The following CTNNA3 variants were observed in gnomAD, a reference collection of about 807,000 sequenced individuals.
The protein encoded by CTNNA3 is catenin alpha-3.
CTNNA3 carries 76 observed loss-of-function variants against 95.7 expected under a neutral mutation model. The observed-to-expected ratio is 0.79, with a 90% confidence interval of 0.66 to 0.96. The LOEUF is 0.96. CTNNA3 is among the 40% of genes least tolerant of loss of function. The probability of loss-of-function intolerance (pLI) is 0.00; values close to 1 mark genes in which losing one functional copy is unlikely to be tolerated. For missense variants in CTNNA3, 1,191 were observed against 1,089.8 expected (o/e 1.09, Z -1.31); for synonymous variants, 431 against 374.4 (o/e 1.15, Z -1.74).
rs973639989 is a variant in CTNNA3 at position 66,089,406 on chromosome 10, C to T, written c.1977+13751G>A. Among the ~76,000 whole-genome samples, 4 of 151,262 alleles carry T rather than the reference C, an allele frequency of 2.6e-5. No individual in the cohort carries two copies. In the East Asian group the frequency reaches 5.8e-4, roughly 22 times the overall value. On this transcript the variant is annotated intron_variant, in intron 14 of 17. Coordinates refer to ENST00000433211, the MANE Select transcript of CTNNA3 (RefSeq NM_013266.4). ...TCCTTCCTTCTTTCCTTCCTTACTC[C>T]CTTCCTTCCTTCCTTTCTTCCTTCC...
chr10:67,035,583 C>T (rs893051541), intron 7 of CTNNA3, among the ~76,000 whole-genome samples: 1 of 151,898 alleles, frequency 6.6e-6, no homozygotes. Context: ...ATTCCAAAAA[C>T]CCTATCAGAA....
At chr10:67,653,326 C>T (rs1298457930) in intron 1 of CTNNA3, among the ~76,000 whole-genome samples, 1 of 152,178 alleles carries the variant, frequency 6.6e-6, no homozygotes, top group African/African-American at 2.4e-5. Flanking sequence ...CACCAGACCC[C>T]ACCTCCAACA....
intron 7 of CTNNA3, among the ~76,000 whole-genome samples, chr10:66,786,828 C>G (rs1840765687): frequency 6.6e-6 from 1 of 151,978 alleles, no homozygotes; most frequent in Admixed American, 6.6e-5. Context: ...ATTGACCATT[C>G]TTAGAGGGCA....
intron 7 of CTNNA3, among the ~76,000 whole-genome samples, chr10:66,917,888 CA>C (rs1846578551): frequency 6.6e-6 from 1 of 152,118 alleles, no homozygotes; most frequent in African/African-American, 2.4e-5. Context: ...GTCATAGATG[CA>C]AAGTAAAACA....
chr10:66,892,941 C>T (rs1845329695), intron 7 of CTNNA3, among the ~76,000 whole-genome samples: 1 of 152,084 alleles, frequency 6.6e-6, no homozygotes, highest in Non-Finnish European at 1.5e-5. Context: ...AAACTAGTCA[C>T]AGTGTGAATG....
intron 15 of CTNNA3, among the ~76,000 whole-genome samples, chr10:65,994,242 A>G (rs79216600): frequency 0.11 from 16,382 of 152,136 alleles, 1,112 homozygotes; most frequent in East Asian, 0.2. Flanking sequence ...TAAGTTTTAT[A>G]CTTTCCTGTG....
intron 11 of CTNNA3, among the ~76,000 whole-genome samples, chr10:66,467,632 T>C (rs1224630828): frequency 6.6e-6 from 1 of 152,010 alleles, no homozygotes; most frequent in Non-Finnish European, 1.5e-5. Context: ...CTGAAAACTT[T>C]TGTTGTGTAT....
chr10:66,541,624 A>C (rs150890809), intron 10 of CTNNA3, among the ~76,000 whole-genome samples: 3,621 of 152,262 alleles, frequency 0.024, 91 homozygotes, highest in East Asian at 0.058. Flanking sequence ...GTTTCTTTAG[A>C]TATTGTATGA....
At chr10:67,498,235 G>C (rs1278745105) in intron 5 of CTNNA3, among the ~76,000 whole-genome samples, 1 of 152,144 alleles carries the variant, frequency 6.6e-6, no homozygotes, top group Non-Finnish European at 1.5e-5. Flanking sequence ...GTCAAGATCA[G>C]ATGGTTGTAG....
At chr10:66,017,940 C>A (rs1031523904) in intron 15 of CTNNA3, among the ~76,000 whole-genome samples, 7 of 151,878 alleles carry the variant, frequency 4.6e-5, no homozygotes, top group African/African-American at 9.7e-5. Flanking sequence ...TATGTTTATT[C>A]AATTTTGTTA....
intron 13 of CTNNA3, among the ~76,000 whole-genome samples, chr10:66,245,917 C>T (rs2090300864): frequency 6.6e-6 from 1 of 152,184 alleles, no homozygotes; most frequent in African/African-American, 2.4e-5. Flanking sequence ...GAGACTTTGG[C>T]TTTTATGGGC....
intron 17 of CTNNA3, among the ~76,000 whole-genome samples, chr10:65,954,265 C>A (rs1340900520): frequency 1.3e-5 from 2 of 152,104 alleles, no homozygotes; most frequent in African/African-American, 4.8e-5. Flanking sequence ...TGTTTAAGTT[C>A]TTTGTAGATT....
chr10:67,584,872 C>A (rs535511999), intron 3 of CTNNA3, among the ~76,000 whole-genome samples: 1 of 152,204 alleles, frequency 6.6e-6, no homozygotes, highest in Admixed American at 6.5e-5. Flanking sequence ...GAGCCATGTG[C>A]GGGATATAAT....
At chr10:66,843,430 G>C (rs1843138894) in intron 7 of CTNNA3, among the ~76,000 whole-genome samples, 1 of 152,204 alleles carries the variant, frequency 6.6e-6, no homozygotes, top group Non-Finnish European at 1.5e-5. Flanking sequence ...TGTGAGATGT[G>C]CCTGATAAAC....
chr10:67,738,704 G>C (rs532507909), intron 1 of CTNNA3, among the ~76,000 whole-genome samples: 20 of 151,754 alleles, frequency 1.3e-4, no homozygotes, highest in Admixed American at 2.6e-4. Flanking sequence ...AAAAAAATTA[G>C]ACGAATGGCT....
intron 5 of CTNNA3, among the ~76,000 whole-genome samples, chr10:67,441,972 A>C (rs1266620398): frequency 6.6e-6 from 1 of 152,212 alleles, no homozygotes. Flanking sequence ...GAACCAATCA[A>C]AAATAATTAC....
intron 9 of CTNNA3, among the ~76,000 whole-genome samples, chr10:66,650,230 T>C (rs573540973): frequency 3.9e-5 from 6 of 152,198 alleles, no homozygotes; most frequent in East Asian, 1.9e-4. Context: ...TAAGAACCCA[T>C]GTGGGAGATT....
intron 4 of CTNNA3, among the ~76,000 whole-genome samples, chr10:67,525,750 G>C (rs988677484): frequency 6.6e-6 from 1 of 152,200 alleles, no homozygotes; most frequent in African/African-American, 2.4e-5. Context: ...CAGATCGATT[G>C]ATTCAAATAA....
intron 1 of CTNNA3, among the ~76,000 whole-genome samples, chr10:67,649,133 A>G (rs991288411): frequency 6.6e-6 from 1 of 152,236 alleles, no homozygotes; most frequent in African/African-American, 2.4e-5. Context: ...TACGACAGGT[A>G]CTATCCTACA....
Sources: gnomAD v4.1 joint callset for allele counts (sites outside exome capture counted in the v4.1 genomes callset) on GRCh38, gnomAD v4.1.1 for gene constraint, MANE v1.5 for transcripts, NCBI Gene and HGNC (gene_info 2026-07-23, HGNC 2026-07-21) for gene names.